KIF1B: variants seen among roughly 807,000 people sequenced by gnomAD.
KIF1B encodes kinesin-like protein KIF1B.
Under a neutral mutation model 241.9 loss-of-function variants are expected in KIF1B, and 76 were observed. The observed-to-expected ratio is 0.31, with a 90% CI of 0.26 to 0.38. The LOEUF (loss-of-function observed/expected upper bound fraction) is 0.38. Ranked by LOEUF, KIF1B falls within the 10% of genes least tolerant of loss-of-function variation. KIF1B has a pLI of 1.00. For synonymous variants in KIF1B, 750 were observed against 796.7 expected, an observed-to-expected ratio of 0.94 and a Z score of 0.99; for missense variants, 1,622 against 2,271.4, an observed-to-expected ratio of 0.71 and a Z score of 5.81.
chr1:10,303,268 A>G lies in KIF1B; in HGVS notation c.2115+6022A>G. 1 of 1,614,188 alleles carries G rather than the reference A, an allele frequency of 6.2e-7. No individual in the cohort carries two copies. The highest frequency in any genetic ancestry group is 8.5e-7 in the Non-Finnish European group (1 of 1,180,030). On this transcript the variant is annotated intron_variant, in intron 22 of 48. Transcript: ENST00000676179. The surrounding 1 kb of genome is among the most constrained non-coding windows in gnomAD (Gnocchi z 5.2). ...AAAGCTACCTCCCAGCAAGTTGCAA[A>G]CCATTGTTAAAAAATGTGGCCTCCC... is the stretch of plus-strand genomic sequence containing the variant.
At chr1:10,313,511 C>G (rs1347723130) in intron 22 of KIF1B, among the ~76,000 whole-genome samples, 1 of 150,160 alleles carries the variant, frequency 6.7e-6, no homozygotes, top group Non-Finnish European at 1.5e-5. Flanking sequence ...CAGTGCTGTG[C>G]CTTTATAAAT....
rs553440851 is a variant in KIF1B at position 10,303,972 on chromosome 1, T to G, written c.2115+6726T>G. On this transcript the variant is annotated intron_variant, in intron 22 of 48. Coordinates refer to ENST00000676179, the MANE Select transcript of KIF1B (RefSeq NM_001365951.3). This position sits in a 1 kb window ranked among gnomAD's most constrained non-coding sequence, Gnocchi z 5.2. ...GGATGAGGCAAGAGCAAATTCGGTTTAAGAACTTGCAACAGCAGGAGATAA... is the reference window on the plus strand; with the variant it reads ...GGATGAGGCAAGAGCAAATTCGGTTGAAGAACTTGCAACAGCAGGAGATAA... The G allele has an allele frequency of 6.2e-7, 1 of 1,613,418 alleles. No homozygotes were observed. The highest frequency in any genetic ancestry group is 1.7e-5 in the Admixed American group (1 of 59,916).
chr1:10,303,793 G>A lies in KIF1B; in HGVS notation c.2115+6547G>A, dbSNP rs771196619. ...CGGATCTCAGGAACAGAAAAGCCCAGGAAGCCACAAAGCAAAGGAGCCTGT... is the reference window on the plus strand; with the variant it reads ...CGGATCTCAGGAACAGAAAAGCCCAAGAAGCCACAAAGCAAAGGAGCCTGT... On this transcript the variant is annotated intron_variant, in intron 22 of 48. Transcript: ENST00000676179. The surrounding 1 kb of genome is among the most constrained non-coding windows in gnomAD (Gnocchi z 5.2). 3.1e-6 allele frequency: 5 copies of A among 1,614,202 alleles called. No individual in the cohort carries two copies. In the South Asian group the frequency reaches 5.5e-5, roughly 18 times the overall value.
At position 10,345,892 on chromosome 1, in the gene KIF1B, A is replaced by G; in HGVS notation, c.3736A>G (p.Ser1246Gly). The G allele has an allele frequency of 1.2e-6, 2 of 1,614,218 alleles. No homozygotes were observed. Among genetic ancestry groups the G allele is most frequent in the Non-Finnish European group, 1.7e-6 (2 of 1,180,020 alleles). The change falls in exon 35 of 49, where the codon AGC becomes GGC. Residue 1246 changes from serine to glycine, a missense_variant. Physicochemically the swap from Ser to Gly is moderately conservative, Grantham distance 56. Around this residue, in one of 7 missense-constraint regions of KIF1B, gnomAD observed 803 missense variants for 1,112.0 expected, o/e 0.72. Coordinates refer to ENST00000676179, the MANE Select transcript of KIF1B (RefSeq NM_001365951.3). Reference sequence around the variant, plus strand: ...GATGAGCAAAACCAGCCTTGGCCAGAGCATGAGCAAGTATGACCTCCTGGT... The same window carrying G: ...GATGAGCAAAACCAGCCTTGGCCAGGGCATGAGCAAGTATGACCTCCTGGT... The part of the protein sequence containing the change: ...NTMSKTSLGQ[S>G]MSKYDLLVWF...
intron 22 of KIF1B, among the ~76,000 whole-genome samples, chr1:10,301,731 A>T (rs1300386959): frequency 1.3e-5 from 2 of 152,140 alleles, no homozygotes. Flanking sequence ...GCAGCTGAGT[A>T]TTTTCTTTTC....
At chr1:10,264,251 A>C (rs1648319367) in intron 5 of KIF1B, among the ~76,000 whole-genome samples, 2 of 152,204 alleles carry the variant, frequency 1.3e-5, no homozygotes, top group Admixed American at 1.3e-4. Context: ...TCACTGGGGC[A>C]GGGTTCTTTG....
intron 43 of KIF1B, among the ~76,000 whole-genome samples, chr1:10,367,580 G>A (rs1342350903): frequency 2.7e-5 from 4 of 149,894 alleles, no homozygotes; most frequent in African/African-American, 9.8e-5. Flanking sequence ...TGTGGCCCAC[G>A]CTGGAGTGCA....
chr1:10,304,286 G>A (rs528037670), intron 22 of KIF1B: 3 of 1,614,188 alleles, frequency 1.9e-6, no homozygotes, highest in South Asian at 2.2e-5. Flanking sequence ...ATCCAAGTTA[G>A]CAAGCAGCAC....
intron 22 of KIF1B, among the ~76,000 whole-genome samples, chr1:10,301,204 G>A (rs1169711836): frequency 1.3e-5 from 2 of 152,094 alleles, no homozygotes; most frequent in African/African-American, 4.8e-5. Context: ...AGGAGGCAAG[G>A]TACTATTTAT....
chr1:10,350,018 C>T (rs1039076267), intron 37 of KIF1B, among the ~76,000 whole-genome samples: 3 of 152,168 alleles, frequency 2.0e-5, no homozygotes, highest in South Asian at 4.1e-4. Context: ...TGTCCAGGCA[C>T]GGTGGCTCAC....
intron 2 of KIF1B, among the ~76,000 whole-genome samples, chr1:10,234,218 T>A (rs1477416071): frequency 6.6e-6 from 1 of 152,034 alleles, no homozygotes; most frequent in East Asian, 1.9e-4. Flanking sequence ...GGAACTTTTT[T>A]TTTTTTTGAG....
chr1:10,221,654 G>A (rs1048210207), intron 1 of KIF1B, among the ~76,000 whole-genome samples: 1 of 152,038 alleles, frequency 6.6e-6, no homozygotes, highest in Non-Finnish European at 1.5e-5. Flanking sequence ...CTTTTTCATA[G>A]CATCTCAAAA....
chr1:10,312,193 G>GA (rs1390161955), intron 22 of KIF1B, among the ~76,000 whole-genome samples: 1 of 151,410 alleles, frequency 6.6e-6, no homozygotes, highest in Non-Finnish European at 1.5e-5. Context: ...ATTTGAACTG[G>GA]AGCAGCTAGC....
In KIF1B at chr1:10,365,209, C is replaced by T; in HGVS notation, c.4476C>T (p.His1492=). 6.2e-7 allele frequency: 1 copy of T among 1,614,032 alleles called. No individual in the cohort carries two copies. The highest frequency in any genetic ancestry group is 8.5e-7 in the Non-Finnish European group (1 of 1,180,012). The change falls in exon 42 of 49, where the codon CAC becomes CAT. Residue 1492 remains histidine (H), a synonymous_variant. Transcript: ENST00000676179. This position sits in a 1 kb window ranked among gnomAD's most constrained non-coding sequence, Gnocchi z 4.0. ...RPRGDSLILE[H]QWELEKLELL... The stretch of plus-strand genomic sequence containing the variant: ...GTGGAGACAGCCTCATCCTTGAGCA[C>T]CAGTGGGAGCTGGAGAAGCTGGAGC...
At chr1:10,215,172 A>ATATATATATATTTT (rs1377684765) in intron 1 of KIF1B, among the ~76,000 whole-genome samples, 1 of 45,352 alleles carries the variant, frequency 2.2e-5, no homozygotes, top group Non-Finnish European at 3.7e-5. Context: ...ATATATATAT[A>ATATATATATATTTT]TTTTTTTTTT....
intron 4 of KIF1B, among the ~76,000 whole-genome samples, chr1:10,261,124 G>A (rs1188473242): frequency 6.6e-5 from 10 of 150,980 alleles, no homozygotes; most frequent in East Asian, 2.0e-4. Context: ...GTACCACCAC[G>A]TCTGGCTAAT....
intron 15 of KIF1B, among the ~76,000 whole-genome samples, chr1:10,282,877 ATGGAATTCTGTGTAG>A (rs1649481876): frequency 6.6e-6 from 1 of 152,174 alleles, no homozygotes; most frequent in South Asian, 2.1e-4. Flanking sequence ...TCATTGAAAG[ATGGAATTCTGTGTAG>A]AGCCATGCTT....
chr1:10,276,820 C>G lies in KIF1B; in HGVS notation c.1037+421C>G, dbSNP rs564963494. Among the ~76,000 whole-genome samples, 16 of 152,292 alleles carry G rather than the reference C, an allele frequency of 1.1e-4. No homozygotes were observed. In the East Asian group the frequency reaches 3.1e-3, roughly 29 times the overall value. ...AGTCGGCCAGGCGCAGTGGCCCCCA[C>G]CTGTAATCCCAGCACTTTGGGTGGC... On this transcript the variant is annotated intron_variant, in intron 12 of 48. Transcript: ENST00000676179.
chr1:10,282,236 A>G (rs1454905244), intron 14 of KIF1B, 86 bp from the exon 15 acceptor site: 1 of 1,079,448 alleles, frequency 9.3e-7, no homozygotes, highest in Non-Finnish European at 1.4e-6. Context: ...CTTTCTTACA[A>G]CGATATTCCT....
Sources: gnomAD v4.1 joint callset for allele counts (sites outside exome capture counted in the v4.1 genomes callset) on GRCh38, gnomAD v4.1.1 for gene constraint, gnomAD v4.1.1 regional missense constraint, Gnocchi (gnomAD v3.1) non-coding constraint, MANE v1.5 for transcripts, NCBI Gene and HGNC (gene_info 2026-07-23, HGNC 2026-07-21) for gene names.